KAZN: variants seen among roughly 807,000 people sequenced by gnomAD.
KAZN encodes the protein kazrin, periplakin interacting protein.
In KAZN, 40 loss-of-function variants were observed where a neutral mutation model predicts 87.4. That is an observed-to-expected ratio of 0.46 (90% confidence interval 0.36 to 0.60). KAZN has a LOEUF of 0.60. Among genes scored for constraint, KAZN ranks in the 20% least tolerant of loss-of-function variants. KAZN has a pLI of 0.00. For synonymous variants in KAZN, 466 were observed against 458.3 expected (o/e 1.02, Z -0.22); for missense variants, 898 against 1,073.9 (o/e 0.84, Z 2.29).
At chr1:14,165,020 T>G (rs558841997) in intron 1 of KAZN, among the ~76,000 whole-genome samples, 48 of 151,764 alleles carry the variant, frequency 3.2e-4, no homozygotes, top group African/African-American at 1.1e-3. Flanking sequence ...CATGATTATA[T>G]GTCAAATTAC....
At chr1:14,089,593 T>C (rs1406249523) in intron 1 of KAZN, among the ~76,000 whole-genome samples, 1 of 152,208 alleles carries the variant, frequency 6.6e-6, no homozygotes. Context: ...ATGCTACTGT[T>C]ATCATTCATT....
intron 1 of KAZN, among the ~76,000 whole-genome samples, chr1:14,804,762 T>C (rs1251541315): frequency 6.9e-6 from 1 of 145,798 alleles, no homozygotes; most frequent in African/African-American, 2.6e-5. Flanking sequence ...TCTGGCAGGA[T>C]GCTAAGTTCT....
At chr1:14,146,599 T>G (rs1645357964) in intron 1 of KAZN, among the ~76,000 whole-genome samples, 1 of 151,040 alleles carries the variant, frequency 6.6e-6, no homozygotes, top group South Asian at 2.1e-4. Context: ...GAGGTAAACT[T>G]TCTTAATCCT....
chr1:14,774,326 G>C (rs1382060392), intron 1 of KAZN, among the ~76,000 whole-genome samples: 1 of 151,964 alleles, frequency 6.6e-6, no homozygotes, highest in Admixed American at 6.6e-5. Flanking sequence ...GGCTCATTAG[G>C]GGGATTCGAA....
At chr1:14,956,248 A>G (rs1663081652) in intron 1 of KAZN, among the ~76,000 whole-genome samples, 1 of 149,622 alleles carries the variant, frequency 6.7e-6, no homozygotes, top group Non-Finnish European at 1.5e-5. Flanking sequence ...GGACAATAGT[A>G]AACAATCTTG....
At chr1:14,995,130 G>C (rs1667741179) in intron 2 of KAZN, among the ~76,000 whole-genome samples, 1 of 152,222 alleles carries the variant, frequency 6.6e-6, no homozygotes, top group African/African-American at 2.4e-5. Flanking sequence ...GGAAGAGACA[G>C]AGTGTATGTC....
At chr1:14,562,032 G>A (rs1382929354) in intron 2 of KAZN, among the ~76,000 whole-genome samples, 1 of 152,158 alleles carries the variant, frequency 6.6e-6, no homozygotes, top group Non-Finnish European at 1.5e-5. Flanking sequence ...CTCCCCCTGG[G>A]GATGGACCCA....
At chr1:14,579,579 C>T (rs753649362) in intron 2 of KAZN, among the ~76,000 whole-genome samples, 5 of 151,080 alleles carry the variant, frequency 3.3e-5, no homozygotes, top group Non-Finnish European at 7.4e-5. Flanking sequence ...GAGCCGAGAT[C>T]GCACCACTGC....
chr1:13,954,971 T>A (rs1395309249), intron 1 of KAZN, among the ~76,000 whole-genome samples: 1 of 152,198 alleles, frequency 6.6e-6, no homozygotes, highest in East Asian at 1.9e-4. Flanking sequence ...CGTCTTAGGC[T>A]TTTTTTGTTG....
chr1:15,065,022 T>A (rs531467540), intron 7 of KAZN, among the ~76,000 whole-genome samples: 1 of 115,822 alleles, frequency 8.6e-6, no homozygotes, highest in South Asian at 2.7e-4. Flanking sequence ...GGGGTCTTTT[T>A]CTTTCTTTTT....
chr1:14,301,089 T>C (rs1654518507), intron 2 of KAZN, among the ~76,000 whole-genome samples: 1 of 152,156 alleles, frequency 6.6e-6, no homozygotes, highest in Non-Finnish European at 1.5e-5. Flanking sequence ...TCCACAGAAA[T>C]GTCTTGTATG....
chr1:14,182,912 A>AG (rs35762523), intron 2 of KAZN, among the ~76,000 whole-genome samples: 1 of 152,130 alleles, frequency 6.6e-6, no homozygotes, highest in East Asian at 1.9e-4. Context: ...GGCATCTCTT[A>AG]GGTTTTTGTG....
chr1:14,642,460 G>A (rs764901639), intron 1 of KAZN, among the ~76,000 whole-genome samples: 6 of 152,074 alleles, frequency 3.9e-5, no homozygotes, highest in African/African-American at 9.7e-5. Flanking sequence ...AAGTTAACAC[G>A]GCATGTGCTC....
chr1:15,074,137 G>T (rs2100602939), intron 8 of KAZN, among the ~76,000 whole-genome samples: 1 of 152,358 alleles, frequency 6.6e-6, no homozygotes, highest in East Asian at 1.9e-4. Context: ...AACAGACCAG[G>T]ACAGTGGTTT....
chr1:14,289,879 G>T (rs1344438134), intron 2 of KAZN, among the ~76,000 whole-genome samples: 1 of 152,172 alleles, frequency 6.6e-6, no homozygotes, highest in African/African-American at 2.4e-5. Flanking sequence ...AGGCCCGGTG[G>T]TGACAAAATC....
chr1:13,933,909 G>A (rs537956111), intron 1 of KAZN, among the ~76,000 whole-genome samples: 1 of 152,182 alleles, frequency 6.6e-6, no homozygotes, highest in East Asian at 1.9e-4. Flanking sequence ...ATTACTTTTT[G>A]GAAATGAATG....
At chr1:14,999,213 GT>G (rs1181919789) in intron 2 of KAZN, among the ~76,000 whole-genome samples, 2 of 152,298 alleles carry the variant, frequency 1.3e-5, no homozygotes, top group South Asian at 4.1e-4. Context: ...CCTGGTTGCA[GT>G]TTGGGTGGTG....
chr1:15,107,114 G>C (rs1402591189), intron 13 of KAZN, among the ~76,000 whole-genome samples: 3 of 152,216 alleles, frequency 2.0e-5, no homozygotes, highest in Non-Finnish European at 4.4e-5. Context: ...TTCTGGAACT[G>C]ATCTCTCTCC....
chr1:14,657,404 A>T (rs1638872732), intron 1 of KAZN, among the ~76,000 whole-genome samples: 1 of 152,152 alleles, frequency 6.6e-6, no homozygotes, highest in East Asian at 1.9e-4. Flanking sequence ...CTTAAAATGC[A>T]GATTGGTGGA....
Sources: gnomAD v4.1 joint callset for allele counts (sites outside exome capture counted in the v4.1 genomes callset) on GRCh38, gnomAD v4.1.1 for gene constraint, MANE v1.5 for transcripts, NCBI Gene and HGNC (gene_info 2026-07-23, HGNC 2026-07-21) for gene names.